The following PACSIN2 variants were observed in gnomAD, a reference collection of about 807,000 sequenced individuals.
PACSIN2 encodes the protein protein kinase C and casein kinase substrate in neurons protein 2.
PACSIN2 carries 25 observed loss-of-function variants against 63.8 expected under a neutral mutation model. That is an observed-to-expected ratio of 0.39 (90% CI 0.29 to 0.55). The LOEUF is 0.55. Among genes scored for constraint, PACSIN2 ranks in the 20% least tolerant of loss-of-function variants. The probability of loss-of-function intolerance (pLI) is 0.62; values close to 1 mark genes in which losing one functional copy is unlikely to be tolerated. For missense variants in PACSIN2, 518 were observed against 646.9 expected, an observed-to-expected ratio of 0.80 and a Z score of 2.16; for synonymous variants, 255 against 256.2, an observed-to-expected ratio of 1.00 and a Z score of 0.05.
At chr22:42,919,772 CAAAAAAAAAAA>C (rs761464603) in intron 1 of PACSIN2, among the ~76,000 whole-genome samples, 1 of 48,792 alleles carries the variant, frequency 2.0e-5, no homozygotes, top group African/African-American at 6.3e-5. Flanking sequence ...GAACCTGTCT[CAAAAAAAAAAA>C]AAAAAAAAAA....
At chr22:42,999,773 G>A (rs1923648101) in intron 1 of PACSIN2, among the ~76,000 whole-genome samples, 1 of 152,170 alleles carries the variant, frequency 6.6e-6, no homozygotes, top group Non-Finnish European at 1.5e-5. Context: ...GGGCCACTGT[G>A]GGGGACCACC....
At chr22:42,988,767 A>C (rs527342382) in intron 1 of PACSIN2, among the ~76,000 whole-genome samples, 1 of 152,260 alleles carries the variant, frequency 6.6e-6, no homozygotes, top group Non-Finnish European at 1.5e-5. Flanking sequence ...CATTCCAAAG[A>C]AACATTTTCA....
chr22:43,013,080 C>A (rs1296174338), intron 1 of PACSIN2, among the ~76,000 whole-genome samples: 1 of 152,244 alleles, frequency 6.6e-6, no homozygotes, highest in Non-Finnish European at 1.5e-5. Context: ...GCGTGAGCCA[C>A]CCCGCCCAGC....
At chr22:42,872,711 G>T (rs1004768815) in intron 10 of PACSIN2, among the ~76,000 whole-genome samples, 1 of 152,182 alleles carries the variant, frequency 6.6e-6, no homozygotes, top group African/African-American at 2.4e-5. Context: ...TGGACTGGGG[G>T]TACTGTGAAG....
intron 1 of PACSIN2, among the ~76,000 whole-genome samples, chr22:42,938,105 T>C (rs1358599396): frequency 6.6e-6 from 1 of 152,196 alleles, no homozygotes; most frequent in East Asian, 1.9e-4. Flanking sequence ...GAGCAAAATT[T>C]AAAATCTTTT....
intron 1 of PACSIN2, among the ~76,000 whole-genome samples, chr22:42,986,688 C>G (rs911723560): frequency 3.1e-4 from 47 of 152,142 alleles, no homozygotes; most frequent in African/African-American, 1.1e-3. Context: ...CATCAGTGAC[C>G]ACTGAGAGGG....
chr22:42,976,222 T>C (rs987059983), intron 1 of PACSIN2, among the ~76,000 whole-genome samples: 3 of 152,232 alleles, frequency 2.0e-5, no homozygotes, highest in Admixed American at 1.3e-4. Flanking sequence ...TCACTCTAAA[T>C]GTCACAGGTA....
chr22:42,916,491 C>T (rs938645525), intron 1 of PACSIN2, among the ~76,000 whole-genome samples: 14 of 152,150 alleles, frequency 9.2e-5, no homozygotes, highest in African/African-American at 3.4e-4. Flanking sequence ...CCCCTCTCTC[C>T]TGCCCCTGCT....
intron 1 of PACSIN2, among the ~76,000 whole-genome samples, chr22:43,013,984 T>C (rs1009271691): frequency 3.9e-5 from 6 of 152,082 alleles, no homozygotes; most frequent in African/African-American, 1.4e-4. Context: ...CTGTTATACG[T>C]CAAAGGCTGC....
intron 2 of PACSIN2, among the ~76,000 whole-genome samples, chr22:42,897,109 G>T (rs889154660): frequency 6.6e-6 from 1 of 151,904 alleles, no homozygotes; most frequent in African/African-American, 2.4e-5. Flanking sequence ...GCTAATTTTT[G>T]TATTTTTTGC....
intron 1 of PACSIN2, among the ~76,000 whole-genome samples, chr22:42,975,249 C>A (rs892358787): frequency 2.6e-5 from 4 of 152,108 alleles, no homozygotes; most frequent in African/African-American, 9.7e-5. Flanking sequence ...TCACAGGATA[C>A]AGAAATCCAT....
At chr22:42,881,152 GAA>G (rs1239149489) in intron 7 of PACSIN2, among the ~76,000 whole-genome samples, 1 of 152,168 alleles carries the variant, frequency 6.6e-6, no homozygotes, top group Non-Finnish European at 1.5e-5. Flanking sequence ...CTGTCATTTG[GAA>G]AAACCTTCCT....
chr22:42,953,201 A>G (rs901639233), intron 1 of PACSIN2, among the ~76,000 whole-genome samples: 11 of 152,214 alleles, frequency 7.2e-5, no homozygotes, highest in African/African-American at 2.4e-4. Flanking sequence ...GTTCAAGAGA[A>G]GGGTAAAGAT....
At position 42,891,108 on chromosome 22, in the gene PACSIN2, G is replaced by A; in HGVS notation, c.292C>T (p.Leu98Phe). The change falls in exon 4 of 11, where the codon CTC (leucine) becomes TTC (phenylalanine). Residue 98 changes from leucine to phenylalanine, a missense_variant. By Grantham distance (22) the Leu-to-Phe change is conservative. This residue lies in a region of PACSIN2 where 507 missense variants were observed against 612.3 expected (regional missense o/e 0.83). Coordinates refer to ENST00000263246, the MANE Select transcript of PACSIN2 (RefSeq NM_001184970.3). ...SEAERVSELH[L>F]EVKASLMNDD... ...TTCATCAGTGAGGCCTTCACCTCGA[G>A]GTGCAGCTCGCTCACCCTCTCTGCC... The A allele has an allele frequency of 6.2e-7, 1 of 1,614,128 alleles. No individual in the cohort carries two copies. The highest frequency in any genetic ancestry group is 8.5e-7 in the Non-Finnish European group (1 of 1,180,032).
At chr22:42,973,238 G>C (rs1043766131) in intron 1 of PACSIN2, among the ~76,000 whole-genome samples, 20 of 152,228 alleles carry the variant, frequency 1.3e-4, no homozygotes, top group Admixed American at 8.5e-4. Flanking sequence ...AAAAAAGGCA[G>C]AAGACACTGT....
chr22:42,909,511 C>T (rs1281738801), intron 2 of PACSIN2: 3 of 471,108 alleles, frequency 6.4e-6, no homozygotes, highest in Admixed American at 2.3e-5. Context: ...CGCCACTCAA[C>T]GAACATCCGT....
intron 1 of PACSIN2, among the ~76,000 whole-genome samples, chr22:42,915,201 A>C (rs1257903878): frequency 1.3e-5 from 2 of 152,192 alleles, no homozygotes; most frequent in African/African-American, 4.8e-5. Context: ...GCCAGGAGCC[A>C]AGGAGAGGCT....
chr22:42,998,066 T>TA (rs1923532069), intron 1 of PACSIN2, among the ~76,000 whole-genome samples: 2 of 152,236 alleles, frequency 1.3e-5, no homozygotes, highest in African/African-American at 4.8e-5. Flanking sequence ...CAAGGGCAGT[T>TA]ACCAGCCTTT....
intron 1 of PACSIN2, among the ~76,000 whole-genome samples, chr22:42,923,055 C>A (rs751731548): frequency 3.3e-5 from 5 of 152,126 alleles, no homozygotes; most frequent in Admixed American, 3.3e-4. Context: ...CCCAACAAAG[C>A]GGAAGCTCAC....
Sources: allele counts gnomAD v4.1 joint callset (sites outside exome capture counted in the v4.1 genomes callset), GRCh38; gene constraint gnomAD v4.1.1; regional missense constraint gnomAD v4.1.1; transcripts MANE v1.5; gene names NCBI Gene and HGNC (gene_info 2026-07-23, HGNC 2026-07-21).